Variants in MGAT4C observed in about 807,000 individuals in gnomAD.
The protein encoded by MGAT4C is alpha-1,3-mannosyl-glycoprotein 4-beta-N-acetylglucosaminyltransferase C.
A neutral mutation model predicts 40.1 loss-of-function variants in MGAT4C; 19 were observed. That is an observed-to-expected ratio of 0.47 (90% CI 0.33 to 0.70). The LOEUF is 0.70. Ranked by LOEUF, MGAT4C falls within the 30% of genes least tolerant of loss-of-function variation. The pLI is 0.02. For synonymous variants in MGAT4C, 181 were observed against 187.1 expected (o/e 0.97, Z 0.27); for missense variants, 491 against 563.2 (o/e 0.87, Z 1.30).
intron 1 of MGAT4C, among the ~76,000 whole-genome samples, chr12:86,212,718 C>A (rs1950520897): frequency 1.0e-5 from 1 of 96,404 alleles, no homozygotes; most frequent in Admixed American, 1.2e-4. Context: ...GAAACCCCGT[C>A]TCTACTAAAA....
intron 2 of MGAT4C, among the ~76,000 whole-genome samples, chr12:86,012,637 A>G (rs1043959158): frequency 3.3e-5 from 5 of 151,980 alleles, no homozygotes; most frequent in Non-Finnish European, 7.4e-5. Context: ...CTGTAATCCT[A>G]GTTACTTGGG....
At chr12:86,704,272 C>T (rs1199547660) in intron 2 of MGAT4C, among the ~76,000 whole-genome samples, 1 of 152,030 alleles carries the variant, frequency 6.6e-6, no homozygotes, top group African/African-American at 2.4e-5. Context: ...AGCTATGGGT[C>T]AGCCCGTTGG....
At chr12:86,332,138 C>A (rs1257113245) in intron 4 of MGAT4C, among the ~76,000 whole-genome samples, 2 of 151,954 alleles carry the variant, frequency 1.3e-5, no homozygotes, top group African/African-American at 2.4e-5. Context: ...ATATAATGAA[C>A]AATTTTAAAT....
chr12:86,108,739 T>A (rs980612089), intron 1 of MGAT4C, among the ~76,000 whole-genome samples: 1 of 152,158 alleles, frequency 6.6e-6, no homozygotes, highest in African/African-American at 2.4e-5. Context: ...GAGGCATGGA[T>A]GTTTCATTCA....
At chr12:86,283,614 T>A (rs532714209) in intron 4 of MGAT4C, among the ~76,000 whole-genome samples, 1 of 152,248 alleles carries the variant, frequency 6.6e-6, no homozygotes, top group African/African-American at 2.4e-5. Flanking sequence ...GCATTTCACA[T>A]GCTTAGGCTA....
At chr12:86,297,629 A>G (rs528923953) in intron 4 of MGAT4C, among the ~76,000 whole-genome samples, 1 of 152,182 alleles carries the variant, frequency 6.6e-6, no homozygotes, top group East Asian at 1.9e-4. Context: ...AAAAACTCTA[A>G]GAAACCAGGA....
chr12:86,390,735 T>A (rs1461279669), intron 3 of MGAT4C, among the ~76,000 whole-genome samples: 1 of 150,130 alleles, frequency 6.7e-6, no homozygotes, highest in East Asian at 1.9e-4. Flanking sequence ...ATCATATTTA[T>A]AATTTGATTT....
At chr12:86,666,879 A>G (rs1964121031) in intron 2 of MGAT4C, among the ~76,000 whole-genome samples, 1 of 152,070 alleles carries the variant, frequency 6.6e-6, no homozygotes, top group African/African-American at 2.4e-5. Context: ...CATACCATAA[A>G]GATGAAAACA....
chr12:86,446,033 T>C (rs563988743), intron 2 of MGAT4C, among the ~76,000 whole-genome samples: 3 of 152,274 alleles, frequency 2.0e-5, no homozygotes, highest in Non-Finnish European at 2.9e-5. Context: ...TTTCTGAATA[T>C]GTGTTATGCT....
chr12:86,121,905 A>T (rs1879437657), intron 1 of MGAT4C, among the ~76,000 whole-genome samples: 2 of 152,216 alleles, frequency 1.3e-5, no homozygotes, highest in African/African-American at 4.8e-5. Flanking sequence ...AGGGTTATAC[A>T]AATGATTAAT....
intron 2 of MGAT4C, among the ~76,000 whole-genome samples, chr12:86,554,850 G>A (rs866374208): frequency 6.6e-6 from 1 of 152,052 alleles, no homozygotes; most frequent in South Asian, 2.1e-4. Context: ...GTCTTACTAT[G>A]TTGGAAATCT....
rs562527980 is a variant in MGAT4C at position 86,323,044 on chromosome 12, T to G, written c.-57+11021A>C. 2.9e-3 allele frequency among the ~76,000 whole-genome samples: 447 copies of G among 151,916 alleles called. 2 individuals carry two copies. The highest frequency in any genetic ancestry group is 0.01 in the African/African-American group (423 of 41,494). On this transcript the variant is annotated intron_variant, in intron 4 of 7. Transcript: ENST00000548651. ...AGCACTTAAAATCCTATTGTAAAAC[T>G]CTGCAACACATGAGGTTTGACAGAT...
intron 1 of MGAT4C, among the ~76,000 whole-genome samples, chr12:86,125,488 T>C (rs2037908883): frequency 6.6e-6 from 1 of 152,144 alleles, no homozygotes; most frequent in Non-Finnish European, 1.5e-5. Flanking sequence ...TCTTGACTCA[T>C]ATAATGTTAC....
chr12:85,994,672 C>T (rs1459846512), intron 2 of MGAT4C, among the ~76,000 whole-genome samples: 2 of 151,956 alleles, frequency 1.3e-5, no homozygotes, highest in African/African-American at 4.8e-5. Flanking sequence ...CACTCGGACA[C>T]CCAAAACCAG....
intron 3 of MGAT4C, among the ~76,000 whole-genome samples, chr12:86,424,886 A>G (rs1956896504): frequency 1.3e-5 from 2 of 151,990 alleles, no homozygotes; most frequent in Non-Finnish European, 2.9e-5. Context: ...CCTCCCGAGT[A>G]GCTGGGACTA....
chr12:86,835,817 CAT>C (rs1409131163), intron 1 of MGAT4C, among the ~76,000 whole-genome samples: 3 of 151,626 alleles, frequency 2.0e-5, no homozygotes, highest in African/African-American at 4.8e-5. Context: ...GCAAAATAGA[CAT>C]GTGATAATAT....
chr12:86,158,341 G>T (rs1438053522), intron 1 of MGAT4C, among the ~76,000 whole-genome samples: 1 of 152,070 alleles, frequency 6.6e-6, no homozygotes, highest in South Asian at 2.1e-4. Context: ...ACCTTTTAGA[G>T]ATGTTTACTA....
At chr12:86,751,392 T>C (rs1951229669) in intron 1 of MGAT4C, among the ~76,000 whole-genome samples, 1 of 152,142 alleles carries the variant, frequency 6.6e-6, no homozygotes, top group South Asian at 2.1e-4. Context: ...ACCAGGTAAG[T>C]GTGCAGATGT....
At chr12:86,767,499 C>A (rs1040702049) in intron 1 of MGAT4C, among the ~76,000 whole-genome samples, 2 of 152,116 alleles carry the variant, frequency 1.3e-5, no homozygotes, top group Admixed American at 6.6e-5. Context: ...AGAGGGAATC[C>A]TCCCTAACTC....
Sources: allele counts gnomAD v4.1 joint callset (sites outside exome capture counted in the v4.1 genomes callset), GRCh38; gene constraint gnomAD v4.1.1; transcripts MANE v1.5; gene names NCBI Gene and HGNC (gene_info 2026-07-23, HGNC 2026-07-21).